Variants in SP4 observed in about 807,000 individuals in gnomAD.
The protein encoded by SP4 is transcription factor Sp4.
Under a neutral mutation model 72.8 loss-of-function variants are expected in SP4, and 19 were observed. The ratio of observed to expected loss-of-function variants is 0.26; its 90% confidence interval spans 0.18 to 0.38. The LOEUF (loss-of-function observed/expected upper bound fraction) is 0.38, where lower values mean the gene tolerates loss of function less well. Ranked by LOEUF, SP4 falls within the 10% of genes least tolerant of loss-of-function variation. The pLI is 1.00. For missense variants in SP4, 1,008 were observed against 926.3 expected, an observed-to-expected ratio of 1.09 and a Z score of -1.14; for synonymous variants, 395 against 333.1, an observed-to-expected ratio of 1.19 and a Z score of -2.02.
intron 3 of SP4, among the ~76,000 whole-genome samples, chr7:21,461,520 G>C (rs1783982799): frequency 6.6e-6 from 1 of 152,188 alleles, no homozygotes; most frequent in African/African-American, 2.4e-5. Flanking sequence ...GGGCCGGCCG[G>C]CAGGCCAGCC....
chr7:21,456,951 C>G (rs1442035675), intron 3 of SP4, among the ~76,000 whole-genome samples: 1 of 152,074 alleles, frequency 6.6e-6, no homozygotes, highest in Non-Finnish European at 1.5e-5. Flanking sequence ...AGGAATAGTT[C>G]TGGGGGTTGG....
chr7:21,505,712 G>C (rs1394268070), intron 5 of SP4, among the ~76,000 whole-genome samples: 1 of 152,162 alleles, frequency 6.6e-6, no homozygotes, highest in East Asian at 1.9e-4. Context: ...GGTAGGTCTG[G>C]ACAGTTTGAT....
chr7:21,480,397 A>G lies in SP4; in HGVS notation c.1908-1527A>G, dbSNP rs73265664. On this transcript the variant is annotated intron_variant, in intron 4 of 5. Transcript: ENST00000222584. ...GTAGTTTTAATTACGAATTCAGTCTAGTTGCTTGTTGTAGGTGTATTCTGA... is the reference window on the plus strand; with the variant it reads ...GTAGTTTTAATTACGAATTCAGTCTGGTTGCTTGTTGTAGGTGTATTCTGA... Among the ~76,000 whole-genome samples, 125 of 152,210 alleles carry G rather than the reference A, an allele frequency of 8.2e-4. 1 individual carries two copies. Among genetic ancestry groups the G allele is most frequent in the African/African-American group, 2.9e-3 (122 of 41,540 alleles).
chr7:21,429,442 G>A lies in SP4; in HGVS notation c.277G>A (p.Val93Ile), dbSNP rs202141618. 2 of 1,614,172 alleles carry A rather than the reference G, an allele frequency of 1.2e-6. No individual in the cohort carries two copies. The highest frequency in any genetic ancestry group is 1.6e-4 in the Middle Eastern group (1 of 6,062). ...LQNQPQQLEL[V>I]TTQLAGNAWQ... Reference sequence around the variant, plus strand: ...AAATCAACCACAACAGCTAGAACTGGTAACAACGCAACTTGCTGGAAACGC... The same window carrying A: ...AAATCAACCACAACAGCTAGAACTGATAACAACGCAACTTGCTGGAAACGC... The change falls in exon 3 of 6, where the codon GTA (valine) becomes ATA (isoleucine). Residue 93 changes from valine to isoleucine, a missense_variant. Val to Ile is a conservative substitution (Grantham distance 29). Coordinates refer to ENST00000222584, the MANE Select transcript of SP4 (RefSeq NM_003112.5).
At chr7:21,469,725 G>A (rs1583417490) in intron 3 of SP4, among the ~76,000 whole-genome samples, 1 of 151,900 alleles carries the variant, frequency 6.6e-6, no homozygotes. Flanking sequence ...TGTATTTTTA[G>A]TAGAGACAAG....
intron 3 of SP4, among the ~76,000 whole-genome samples, chr7:21,474,217 T>G (rs1784427622): frequency 1.3e-5 from 2 of 152,194 alleles, no homozygotes; most frequent in African/African-American, 4.8e-5. Context: ...ATCTAGCAGT[T>G]CTTTACCAAA....
chr7:21,443,110 C>G (rs896284776), intron 3 of SP4, among the ~76,000 whole-genome samples: 2 of 152,140 alleles, frequency 1.3e-5, no homozygotes, highest in African/African-American at 2.4e-5. Flanking sequence ...GAATTGTGAG[C>G]CTCATGTGAG....
intron 5 of SP4, among the ~76,000 whole-genome samples, chr7:21,492,696 G>A (rs1315534340): frequency 6.6e-6 from 1 of 152,160 alleles, no homozygotes; most frequent in Non-Finnish European, 1.5e-5. Context: ...CTAAATGCAA[G>A]TGGTATAAAT....
chr7:21,494,862 T>A (rs1785066950), intron 5 of SP4, among the ~76,000 whole-genome samples: 2 of 152,134 alleles, frequency 1.3e-5, no homozygotes, highest in Non-Finnish European at 2.9e-5. Context: ...ACTGCATAAT[T>A]TTAGGTGTTC....
intron 5 of SP4, among the ~76,000 whole-genome samples, chr7:21,487,894 G>GAAAAC (rs1784864517): frequency 6.6e-6 from 1 of 151,876 alleles, no homozygotes; most frequent in African/African-American, 2.4e-5. Flanking sequence ...CAGGGTCTCT[G>GAAAAC]TCTGTCACCA....
At chr7:21,439,421 T>C (rs1165688168) in intron 3 of SP4, among the ~76,000 whole-genome samples, 2 of 152,180 alleles carry the variant, frequency 1.3e-5, no homozygotes, top group Admixed American at 6.5e-5. Context: ...AAGGCAGGGC[T>C]TTTAGTGTGT....
chr7:21,502,049 C>G (rs562719623), intron 5 of SP4, among the ~76,000 whole-genome samples: 27 of 118,326 alleles, frequency 2.3e-4, no homozygotes, highest in South Asian at 4.3e-4. Context: ...CACCCCCCCC[C>G]CCCCGGAACT....
At chr7:21,453,487 T>C (rs571558780) in intron 3 of SP4, among the ~76,000 whole-genome samples, 2 of 152,228 alleles carry the variant, frequency 1.3e-5, no homozygotes, top group Admixed American at 1.3e-4. Flanking sequence ...TAATTATTAC[T>C]GATAATGTAT....
intron 5 of SP4, among the ~76,000 whole-genome samples, chr7:21,510,353 T>C (rs553281170): frequency 1.2e-3 from 181 of 152,096 alleles, no homozygotes; most frequent in African/African-American, 3.6e-3. Flanking sequence ...AAAAGGCCTT[T>C]TTGTTTTTAG....
At chr7:21,483,835 T>C (rs373872435) in intron 5 of SP4, among the ~76,000 whole-genome samples, 130 of 151,936 alleles carry the variant, frequency 8.6e-4, no homozygotes, top group Middle Eastern at 3.4e-3. Flanking sequence ...CTTTTCAGAA[T>C]ATTTAGAATT....
chr7:21,462,376 T>A (rs925258793), intron 3 of SP4, among the ~76,000 whole-genome samples: 34 of 152,076 alleles, frequency 2.2e-4, no homozygotes, highest in African/African-American at 8.2e-4. Flanking sequence ...AAAATAAAAA[T>A]AAAAAAGAAT....
chr7:21,441,354 G>C (rs897080547), intron 3 of SP4, among the ~76,000 whole-genome samples: 5 of 152,162 alleles, frequency 3.3e-5, no homozygotes, highest in Non-Finnish European at 7.4e-5. Flanking sequence ...GGGAATGATG[G>C]GTTCTCTTCT....
chr7:21,470,149 C>G (rs1030601923), intron 3 of SP4, among the ~76,000 whole-genome samples: 18 of 152,196 alleles, frequency 1.2e-4, no homozygotes, highest in Admixed American at 3.3e-4. Context: ...TGATATACTG[C>G]TGGCCGAGTT....
chr7:21,508,027 G>A (rs780427154), intron 5 of SP4, among the ~76,000 whole-genome samples: 7 of 151,782 alleles, frequency 4.6e-5, no homozygotes, highest in Non-Finnish European at 8.8e-5. Context: ...GCTTCTGCAC[G>A]AGGTTGCCTG....
Sources: gnomAD v4.1 joint callset for allele counts (sites outside exome capture counted in the v4.1 genomes callset) on GRCh38, gnomAD v4.1.1 for gene constraint, MANE v1.5 for transcripts, NCBI Gene and HGNC (gene_info 2026-07-23, HGNC 2026-07-21) for gene names.